Variants in STX18 observed in about 807,000 individuals in gnomAD.
STX18 encodes the protein syntaxin 18, also known as syntaxin-18.
STX18 carries 40 observed loss-of-function variants against 50.1 expected under a neutral mutation model. That is an observed-to-expected ratio of 0.80 (90% CI 0.62 to 1.04). STX18 has a LOEUF of 1.04. Ranked by LOEUF, STX18 falls within the 50% of genes least tolerant of loss-of-function variation. The pLI is 0.00. For missense variants in STX18, 410 were observed against 415.8 expected (o/e 0.99, Z 0.12); for synonymous variants, 158 against 151.8 (o/e 1.04, Z -0.30).
At chr4:4,492,392 A>T (rs1728981512) in intron 1 of STX18, among the ~76,000 whole-genome samples, 1 of 152,126 alleles carries the variant, frequency 6.6e-6, no homozygotes, top group South Asian at 2.1e-4. Context: ...CTTTGTTGGA[A>T]AGGATTCGCT....
rs552553863 is a variant in STX18, at chr4:4,459,763, G to A, written c.237-276C>T. 7.9e-5 allele frequency among the ~76,000 whole-genome samples: 12 copies of A among 152,330 alleles called. No individual in the cohort carries two copies. In the East Asian group the frequency reaches 2.3e-3, roughly 29 times the overall value. On this transcript the variant is annotated intron_variant, in intron 2 of 10. Coordinates refer to ENST00000306200, the MANE Select transcript of STX18 (RefSeq NM_016930.4). ...GAGGGAGAAGGAGCGTGGAGTCAGG[G>A]CTACAGCATAAGCCAGGCTTATAAA...
intron 2 of STX18, chr4:4,461,848 C>T (rs113782876): frequency 1.0e-4 from 46 of 456,146 alleles, no homozygotes; most frequent in African/African-American, 8.8e-4. Flanking sequence ...GGCCCCCTCG[C>T]AGAAAGCATG....
chr4:4,473,585 G>A (rs1006925801), intron 1 of STX18, among the ~76,000 whole-genome samples: 1 of 152,060 alleles, frequency 6.6e-6, no homozygotes, highest in Admixed American at 6.5e-5. Flanking sequence ...GAGCCACCGC[G>A]CCCGGTCGGA....
chr4:4,423,294 G>A (rs1177696343), intron 9 of STX18, among the ~76,000 whole-genome samples: 4 of 152,254 alleles, frequency 2.6e-5, no homozygotes, highest in Non-Finnish European at 5.9e-5. Context: ...GGGGTGGTCA[G>A]TGGGTCCCCT....
At position 4,525,190 on chromosome 4, in the gene STX18, T is replaced by C. The variant is rs184727831; in HGVS notation, c.168+16607A>G. On this transcript the variant is annotated intron_variant, in intron 1 of 10. Transcript: ENST00000306200. ...CCTTTATGAGAAAAAAGAAAAGACT[T>C]TGGGATAATTTAATCTGGAGAAAGC... 5.4e-4 allele frequency among the ~76,000 whole-genome samples: 82 copies of C among 152,300 alleles called. 1 individual carries two copies. Among genetic ancestry groups the C allele is most frequent in the African/African-American group, 1.9e-3 (81 of 41,568 alleles).
chr4:4,478,962 T>C (rs1052810175), intron 1 of STX18: 4 of 152,718 alleles, frequency 2.6e-5, no homozygotes, highest in African/African-American at 9.6e-5. Flanking sequence ...TTCTTTCAGG[T>C]AGTTCCACTG....
chr4:4,422,839 A>C lies in STX18; in HGVS notation c.831+679T>G, dbSNP rs575517874. Among the ~76,000 whole-genome samples the C allele has an allele frequency of 6.6e-5, 10 of 152,322 alleles. 1 individual carries two copies. In the South Asian group the frequency reaches 2.1e-3, roughly 32 times the overall value. On this transcript the variant is annotated intron_variant, in intron 9 of 10. Coordinates refer to ENST00000306200, the MANE Select transcript of STX18 (RefSeq NM_016930.4). The stretch of plus-strand genomic sequence containing the variant: ...TTTTGTGAGTGAAGTATCTTAAGTC[A>C]AGTAGTCCAGTTTAAAATACTGGAG...
chr4:4,483,264 A>G (rs1305599963), intron 1 of STX18, among the ~76,000 whole-genome samples: 1 of 152,214 alleles, frequency 6.6e-6, no homozygotes, highest in Non-Finnish European at 1.5e-5. Flanking sequence ...TAAAAAAAAC[A>G]AAAACCTAGA....
intron 7 of STX18, chr4:4,426,681 T>C (rs1477514016): frequency 6.6e-6 from 1 of 151,918 alleles, no homozygotes; most frequent in Non-Finnish European, 1.5e-5. Flanking sequence ...CCCCCGCACA[T>C]GCACTTGCTG....
chr4:4,459,062 G>GCGCACACACA lies in STX18; in HGVS notation c.352+309_352+310insTGTGTGTGCG, dbSNP rs71638564. 6.8e-3 allele frequency among the ~76,000 whole-genome samples: 983 copies of GCGCACACACA among 144,388 alleles called. 10 individuals are homozygous for GCGCACACACA. The highest frequency in any genetic ancestry group is 0.023 in the African/African-American group (923 of 39,390). The allele number at this position is 144,388 out of a possible 152,430, so 94.7% of individuals were successfully genotyped here. On this transcript the variant is annotated intron_variant, in intron 3 of 10. Coordinates refer to ENST00000306200, the MANE Select transcript of STX18 (RefSeq NM_016930.4). ...TTTGCCACACAGAACACACACACAC[G>GCGCACACACA]CACACACACACACACACACACACAC...
At chr4:4,451,090 A>G (rs1403082033) in intron 5 of STX18, among the ~76,000 whole-genome samples, 2 of 152,220 alleles carry the variant, frequency 1.3e-5, no homozygotes, top group African/African-American at 4.8e-5. Context: ...AAAGAAAGCA[A>G]TTTTTAAAAA....
intron 6 of STX18, among the ~76,000 whole-genome samples, chr4:4,437,951 C>T (rs112534754): frequency 1.3e-5 from 2 of 152,242 alleles, no homozygotes; most frequent in Admixed American, 6.5e-5. Context: ...ATAGGCAGCA[C>T]GTCAATTCAG....
intron 6 of STX18, among the ~76,000 whole-genome samples, chr4:4,435,439 TAC>T (rs1339041011): frequency 6.6e-6 from 1 of 152,220 alleles, no homozygotes; most frequent in Non-Finnish European, 1.5e-5. Context: ...ATTCAAGTAA[TAC>T]ACAGTTTTGT....
intron 1 of STX18, among the ~76,000 whole-genome samples, chr4:4,511,945 G>C (rs760015654): frequency 2.4e-4 from 36 of 152,152 alleles, no homozygotes; most frequent in Non-Finnish European, 3.5e-4. Flanking sequence ...GGCGGAGGTG[G>C]GGGTGTTTGT....
At chr4:4,423,310 G>A (rs1377223931) in intron 9 of STX18, among the ~76,000 whole-genome samples, 1 of 152,210 alleles carries the variant, frequency 6.6e-6, no homozygotes, top group Non-Finnish European at 1.5e-5. Flanking sequence ...CCCCTGTGGG[G>A]AGCTCCTCCT....
rs182337421 is a variant in STX18, at chr4:4,467,358, A to C, written c.236+4281T>G. Among the ~76,000 whole-genome samples the C allele has an allele frequency of 2.3e-3, 348 of 152,318 alleles. 2 individuals are homozygous for C. The highest frequency in any genetic ancestry group is 7.8e-3 in the African/African-American group (326 of 41,572). On this transcript the variant is annotated intron_variant, in intron 2 of 10. Coordinates refer to ENST00000306200, the MANE Select transcript of STX18 (RefSeq NM_016930.4). ...GTTTGGCCTACGACTAGTAATGATC[A>C]AGGGCATCTGGGAGGTTAAAGGCAA...
intron 1 of STX18, among the ~76,000 whole-genome samples, chr4:4,502,773 G>C (rs1360050732): frequency 6.6e-6 from 1 of 152,274 alleles, no homozygotes; most frequent in East Asian, 1.9e-4. Flanking sequence ...CTGATGTCTA[G>C]GTCCCTAACC....
intron 7 of STX18, among the ~76,000 whole-genome samples, chr4:4,428,252 C>T (rs1725351897): frequency 6.6e-6 from 1 of 152,254 alleles, no homozygotes; most frequent in Admixed American, 6.5e-5. Context: ...GGGCCAGTCA[C>T]TGGCTTCTGG....
intron 2 of STX18, among the ~76,000 whole-genome samples, chr4:4,467,218 G>A (rs772219528): frequency 5.1e-4 from 77 of 152,196 alleles, no homozygotes; most frequent in Non-Finnish European, 1.3e-4. Flanking sequence ...TGGCTAATTT[G>A]TTGGTTTTAC....
Sources: allele counts gnomAD v4.1 joint callset (sites outside exome capture counted in the v4.1 genomes callset), GRCh38; gene constraint gnomAD v4.1.1; transcripts MANE v1.5; gene names NCBI Gene and HGNC (gene_info 2026-07-23, HGNC 2026-07-21).